HIPK2: variants seen among roughly 807,000 people sequenced by gnomAD.
HIPK2 encodes the protein homeodomain interacting protein kinase 2, also known as homeodomain-interacting protein kinase 2.
In HIPK2, 27 loss-of-function variants were observed where a neutral mutation model predicts 113.7. That is an observed-to-expected ratio of 0.24 (90% CI 0.17 to 0.33). The LOEUF (loss-of-function observed/expected upper bound fraction) is 0.33. Among genes scored for constraint, HIPK2 ranks in the 10% least tolerant of loss-of-function variants. The pLI, the probability that HIPK2 is intolerant of heterozygous loss-of-function variation, is 1.00. For synonymous variants in HIPK2, 631 were observed against 642.2 expected (o/e 0.98, Z 0.26); for missense variants, 1,257 against 1,588.0 (o/e 0.79, Z 3.54).
At position 139,620,478 on chromosome 7, in the gene HIPK2, T is replaced by C; in HGVS notation, c.1705A>G (p.Ile569Val). Residue 569 changes from isoleucine to valine, a missense_variant, in exon 7 of 15, where the codon ATC becomes GTC. By Grantham distance (29) the Ile-to-Val change is conservative. This residue lies in a region of HIPK2 where 862 missense variants were observed against 1,004.3 expected (regional missense o/e 0.86). Coordinates refer to ENST00000406875, the MANE Select transcript of HIPK2 (RefSeq NM_022740.5). The stretch of plus-strand genomic sequence containing the variant: ...GACGTGCTGGGGGCCACGTGCGTGA[T>C]GAAAGGGGTTTTGCTCTGGTTCACC... Reference protein sequence around the residue: ...DTVNQSKTPFITHVAPSTSTN... With the variant: ...DTVNQSKTPFVTHVAPSTSTN... The C allele has an allele frequency of 1.2e-6, 2 of 1,614,070 alleles. No homozygotes were observed. Among genetic ancestry groups the C allele is most frequent in the Non-Finnish European group, 1.7e-6 (2 of 1,179,992 alleles).
intron 12 of HIPK2, among the ~76,000 whole-genome samples, chr7:139,592,738 A>G (rs1280060866): frequency 6.6e-6 from 1 of 152,256 alleles, no homozygotes; most frequent in African/African-American, 2.4e-5. Flanking sequence ...CAGTATGTGT[A>G]GACAATTAAA....
intron 9 of HIPK2, among the ~76,000 whole-genome samples, chr7:139,608,480 C>T (rs1277285015): frequency 2.6e-5 from 4 of 151,480 alleles, no homozygotes; most frequent in African/African-American, 4.9e-5. Flanking sequence ...TATTAATTAA[C>T]TTTTAAAAAT....
At chr7:139,773,709 G>T (rs1040378873) in intron 1 of HIPK2, among the ~76,000 whole-genome samples, 2 of 152,192 alleles carry the variant, frequency 1.3e-5, no homozygotes, top group Non-Finnish European at 2.9e-5. Context: ...GTCTTTTGTA[G>T]GAAAATGATG....
intron 13 of HIPK2, among the ~76,000 whole-genome samples, chr7:139,579,855 C>T (rs920684227): frequency 6.6e-6 from 1 of 152,128 alleles, no homozygotes; most frequent in Non-Finnish European, 1.5e-5. Flanking sequence ...CGGAATCCCT[C>T]GAGTAGGTAC....
chr7:139,605,075 C>T (rs1569452003), intron 9 of HIPK2, among the ~76,000 whole-genome samples: 1 of 152,180 alleles, frequency 6.6e-6, no homozygotes, highest in East Asian at 1.9e-4. Context: ...TGAGAGCAAG[C>T]AAGTATGAAG....
intron 7 of HIPK2, 128 bp downstream of exon 7, chr7:139,620,273 A>T (rs935728968): frequency 2.2e-6 from 3 of 1,334,766 alleles, no homozygotes; most frequent in Admixed American, 2.5e-5. Context: ...CTTGGATGCA[A>T]ATACTTTGTT....
intron 10 of HIPK2, among the ~76,000 whole-genome samples, chr7:139,603,251 T>C (rs1799500992): frequency 6.6e-6 from 1 of 152,052 alleles, no homozygotes; most frequent in Non-Finnish European, 1.5e-5. Context: ...TGACCTGTCC[T>C]GATATTCGTG....
At chr7:139,768,282 C>G (rs1482363829) in intron 1 of HIPK2, among the ~76,000 whole-genome samples, 1 of 152,188 alleles carries the variant, frequency 6.6e-6, no homozygotes, top group Non-Finnish European at 1.5e-5. Flanking sequence ...TGCTGCTCAT[C>G]TGGACTGAAA....
chr7:139,743,524 C>A (rs1796140802), intron 1 of HIPK2, among the ~76,000 whole-genome samples: 1 of 152,216 alleles, frequency 6.6e-6, no homozygotes, highest in Admixed American at 6.5e-5. Flanking sequence ...ATGCAGGTGT[C>A]CATAGCACAG....
intron 2 of HIPK2, among the ~76,000 whole-genome samples, chr7:139,654,836 C>A (rs761116743): frequency 1.3e-5 from 2 of 152,134 alleles, no homozygotes; most frequent in Admixed American, 6.6e-5. Context: ...GATCACCTAC[C>A]CAATATTTAT....
chr7:139,647,379 A>C (rs1430164776), intron 2 of HIPK2, among the ~76,000 whole-genome samples: 1 of 152,220 alleles, frequency 6.6e-6, no homozygotes, highest in Admixed American at 6.5e-5. Flanking sequence ...TACCCAATAC[A>C]CAGATGTTTG....
rs1400962112 is a variant in HIPK2 at position 139,571,145 on chromosome 7, A to G, written c.*1782T>C. The G allele has an allele frequency of 3.9e-5, 6 of 152,322 alleles. No individual in the cohort carries two copies. The highest frequency in any genetic ancestry group is 7.3e-5 in the Non-Finnish European group (5 of 68,098). 9.4% of individuals were successfully genotyped at this position (152,322 alleles called of 1,614,324 possible). On this transcript the variant is annotated 3_prime_UTR_variant, in exon 15 of 15. Coordinates refer to ENST00000406875, the MANE Select transcript of HIPK2 (RefSeq NM_022740.5). ...ACCCTCAGAAACCAAAACCAAAATC[A>G]TGTCTTGAGCAGACCTGGGTAATGT...
chr7:139,715,308 AGCCACCCAGCTG>A (rs1380432479), intron 2 of HIPK2, among the ~76,000 whole-genome samples: 2 of 152,208 alleles, frequency 1.3e-5, no homozygotes, highest in African/African-American at 4.8e-5. Flanking sequence ...TTACCACAGG[AGCCACCCAGCTG>A]GCCCCAGACT....
rs78916673 is a variant in HIPK2, at chr7:139,615,052, T to A, written c.1783-559A>T. On this transcript the variant is annotated intron_variant, in intron 7 of 14. Transcript: ENST00000406875. ...GCCAGCCTGCACGTCCAAGCTCTGC[T>A]CACACTCCCCTCGGGCCTGGTGGGT... Among the ~76,000 whole-genome samples, 1,046 of 152,242 alleles carry A rather than the reference T, an allele frequency of 6.9e-3. 13 individuals are homozygous for A. Among genetic ancestry groups the A allele is most frequent in the African/African-American group, 0.024 (1,002 of 41,540 alleles).
At chr7:139,738,923 A>C (rs1219288382) in intron 1 of HIPK2, among the ~76,000 whole-genome samples, 1 of 152,170 alleles carries the variant, frequency 6.6e-6, no homozygotes, top group Admixed American at 6.5e-5. Flanking sequence ...ATTTTGAATG[A>C]ATATTGTGGA....
At position 139,631,820 on chromosome 7, in the gene HIPK2, C is replaced by T; in HGVS notation, c.1104-95G>A. 7.0e-7 allele frequency: 1 copy of T among 1,424,350 alleles called. No individual in the cohort carries two copies. The highest frequency in any genetic ancestry group is 2.4e-5 in the Admixed American group (1 of 42,246). The allele number at this position is 1,424,350 out of a possible 1,614,324, so 88.2% of individuals were successfully genotyped here. ...ATCTTTCAAACCTGGGGTGCCATTACTGACTCCTCCTCTGAAGGGCCTGTG... is the reference window on the plus strand; with the variant it reads ...ATCTTTCAAACCTGGGGTGCCATTATTGACTCCTCCTCTGAAGGGCCTGTG... On this transcript the variant is annotated intron_variant, in intron 2 of 14. Transcript: ENST00000406875. The surrounding 1 kb of genome is among the most constrained non-coding windows in gnomAD (Gnocchi z 4.9).
chr7:139,675,371 A>G (rs917636146), intron 2 of HIPK2, among the ~76,000 whole-genome samples: 4 of 152,148 alleles, frequency 2.6e-5, no homozygotes, highest in Non-Finnish European at 5.9e-5. Context: ...AGAGGACAGC[A>G]TATGAAAAAC....
chr7:139,651,001 T>G (rs867706918), intron 2 of HIPK2, among the ~76,000 whole-genome samples: 1 of 152,244 alleles, frequency 6.6e-6, no homozygotes, highest in Non-Finnish European at 1.5e-5. Context: ...ATAATGTTTA[T>G]TGTGTCAGCC....
intron 2 of HIPK2, among the ~76,000 whole-genome samples, chr7:139,677,487 G>A: frequency 6.6e-6 from 1 of 152,132 alleles, no homozygotes; most frequent in South Asian, 2.1e-4. Flanking sequence ...GGTGTCTGGG[G>A]AGGGCCTTCT....
Sources: gnomAD v4.1 joint callset for allele counts (sites outside exome capture counted in the v4.1 genomes callset) on GRCh38, gnomAD v4.1.1 for gene constraint, gnomAD v4.1.1 regional missense constraint, Gnocchi (gnomAD v3.1) non-coding constraint, MANE v1.5 for transcripts, NCBI Gene and HGNC (gene_info 2026-07-23, HGNC 2026-07-21) for gene names.